Variants in IGFL2 observed in about 807,000 individuals in gnomAD.
IGFL2 encodes insulin growth factor-like family member 2.
Under a neutral mutation model 13.9 loss-of-function variants are expected in IGFL2, and 7 were observed. The ratio of observed to expected loss-of-function variants is 0.51; its 90% confidence interval spans 0.29 to 0.95. The LOEUF is 0.95. Among genes scored for constraint, IGFL2 ranks in the 40% least tolerant of loss-of-function variants. The pLI is 0.08. For missense variants in IGFL2, 138 were observed against 147.8 expected (o/e 0.93, Z 0.34); for synonymous variants, 55 against 55.8 (o/e 0.99, Z 0.07).
chr19:46,103,366 G>C, the IGFL2 span, among the ~76,000 whole-genome samples: 4 of 152,290 alleles, frequency 2.6e-5, no homozygotes, highest in Admixed American at 1.3e-4. Flanking sequence ...AGGAGAGAGT[G>C]AGTGAGATTG....
chr19:46,194,320 T>C, the IGFL2 span, among the ~76,000 whole-genome samples: 7 of 152,070 alleles, frequency 4.6e-5, no homozygotes, highest in African/African-American at 1.7e-4. Flanking sequence ...GTACCAGATA[T>C]CAGATGTGGA....
chr19:46,121,797 C>T, the IGFL2 span, among the ~76,000 whole-genome samples: 1,086 of 151,082 alleles, frequency 7.2e-3, 78 homozygotes, highest in African/African-American at 0.025. Context: ...GCGGAGCTGA[C>T]TGCAAAGAGA....
chr19:46,088,858 A>G, the IGFL2 span, among the ~76,000 whole-genome samples: 1 of 152,216 alleles, frequency 6.6e-6, no homozygotes, highest in African/African-American at 2.4e-5. Context: ...ATTGAAAAAC[A>G]AAACAAAACA....
the IGFL2 span, among the ~76,000 whole-genome samples, chr19:46,194,318 TA>T: frequency 6.6e-6 from 1 of 152,118 alleles, no homozygotes; most frequent in Non-Finnish European, 1.5e-5. Context: ...TGGTACCAGA[TA>T]TCAGATGTGG....
chr19:46,185,514 G>A, the IGFL2 span, among the ~76,000 whole-genome samples: 1 of 152,228 alleles, frequency 6.6e-6, no homozygotes, highest in Admixed American at 6.5e-5. Context: ...CTGGATAAAG[G>A]TGGGGGCTCT....
the IGFL2 span, among the ~76,000 whole-genome samples, chr19:46,175,038 A>G: frequency 2.6e-5 from 4 of 152,226 alleles, no homozygotes; most frequent in Non-Finnish European, 4.4e-5. Context: ...TCTGAGAAGT[A>G]CAAGAATGAT....
At chr19:46,089,555 G>A in the IGFL2 span, among the ~76,000 whole-genome samples, 2 of 151,624 alleles carry the variant, frequency 1.3e-5, no homozygotes, top group Non-Finnish European at 2.9e-5. Flanking sequence ...GGCTCTGGTG[G>A]AGGTAAACTC....
the IGFL2 span, among the ~76,000 whole-genome samples, chr19:46,192,536 C>T: frequency 6.6e-6 from 1 of 151,778 alleles, no homozygotes; most frequent in African/African-American, 2.4e-5. Flanking sequence ...TCTCCTGCCT[C>T]AGCCTCCCAA....
At chr19:46,207,118 A>G in the IGFL2 span, 1 of 152,402 alleles carries the variant, frequency 6.6e-6, no homozygotes, top group Admixed American at 6.5e-5. Flanking sequence ...GGAGGTGGAC[A>G]GGGGAAGCGA....
At chr19:46,131,260 T>C in the IGFL2 span, among the ~76,000 whole-genome samples, 1 of 152,232 alleles carries the variant, frequency 6.6e-6, no homozygotes, top group Non-Finnish European at 1.5e-5. Context: ...AATTGATTTA[T>C]GTGTAATTTT....
the IGFL2 span, among the ~76,000 whole-genome samples, chr19:46,132,268 C>T: frequency 6.6e-6 from 1 of 152,144 alleles, no homozygotes; most frequent in Non-Finnish European, 1.5e-5. Context: ...CTGTGGGGGC[C>T]AAGCCACGTT....
At chr19:46,215,249 A>G in the IGFL2 span, among the ~76,000 whole-genome samples, 1 of 152,208 alleles carries the variant, frequency 6.6e-6, no homozygotes, top group Non-Finnish European at 1.5e-5. Flanking sequence ...TTTACTAACT[A>G]TAGCTATGAA....
chr19:46,113,464 C>T, the IGFL2 span: 22 of 380,152 alleles, frequency 5.8e-5, no homozygotes, highest in East Asian at 1.4e-3. Flanking sequence ...AGGATTACGA[C>T]AAAGAAGATA....
At chr19:46,203,397 G>A in the IGFL2 span, 1 of 153,076 alleles carries the variant, frequency 6.5e-6, no homozygotes, top group South Asian at 2.0e-4. Flanking sequence ...CCAGAGAGTT[G>A]GCCAACACCC....
intron 1 of IGFL2, chr19:46,149,066 T>C (rs1226811490): frequency 1.9e-6 from 3 of 1,563,996 alleles, no homozygotes; most frequent in Non-Finnish European, 2.6e-6. Context: ...GGCAGTGGAC[T>C]GAGTTTTGTT....
In IGFL2 at chr19:46,160,171, C is replaced by T. The variant is rs2146885672; in HGVS notation, c.20-244C>T. On this transcript the variant is annotated intron_variant, in intron 1 of 3. Coordinates refer to ENST00000377693, the MANE Select transcript of IGFL2 (RefSeq NM_001135113.2). Reference sequence around the variant, plus strand: ...GTAAACTTCAGCATATTCTTAGAATCATAAACGAAGATATTCCAAGAGTTT... The same window carrying T: ...GTAAACTTCAGCATATTCTTAGAATTATAAACGAAGATATTCCAAGAGTTT... 3 of 535,372 alleles carry T rather than the reference C, an allele frequency of 5.6e-6. No homozygotes were observed. In the South Asian group the frequency reaches 7.1e-5, roughly 13 times the overall value. 33.2% of individuals were successfully genotyped at this position (535,372 alleles called of 1,614,324 possible).
upstream of IGFL2, among the ~76,000 whole-genome samples, chr19:46,145,155 G>C (rs1973053236): frequency 1.3e-5 from 2 of 152,080 alleles, no homozygotes; most frequent in African/African-American, 4.8e-5. Context: ...TGTGAATGAT[G>C]GGTTGTATGG....
the IGFL2 span, among the ~76,000 whole-genome samples, chr19:46,104,157 G>A: frequency 6.6e-6 from 1 of 152,140 alleles, no homozygotes; most frequent in South Asian, 2.1e-4. Context: ...GAAGATAGTC[G>A]CCTAGAGGGC....
chr19:46,088,906 T>C, the IGFL2 span, among the ~76,000 whole-genome samples: 2 of 152,326 alleles, frequency 1.3e-5, no homozygotes, highest in East Asian at 3.9e-4. Context: ...AGCAAAGCTA[T>C]AAAGGATTGA....
Sources: allele counts gnomAD v4.1 joint callset (sites outside exome capture counted in the v4.1 genomes callset), GRCh38; gene constraint gnomAD v4.1.1; transcripts MANE v1.5; gene names NCBI Gene and HGNC (gene_info 2026-07-23, HGNC 2026-07-21).